The following USO1 variants were observed in gnomAD, a reference collection of about 807,000 sequenced individuals.
The protein encoded by USO1 is general vesicular transport factor p115.
A neutral mutation model predicts 124.5 loss-of-function variants in USO1; 57 were observed. That is an observed-to-expected ratio of 0.46 (90% CI 0.37 to 0.57). The LOEUF is 0.57. Ranked by LOEUF, USO1 falls within the 20% of genes least tolerant of loss-of-function variation. The pLI, the probability that USO1 is intolerant of heterozygous loss-of-function variation, is 0.00. For missense variants in USO1, 900 were observed against 1,040.6 expected, an observed-to-expected ratio of 0.86 and a Z score of 1.86; for synonymous variants, 369 against 362.8, an observed-to-expected ratio of 1.02 and a Z score of -0.19.
In USO1 at chr4:75,734,179, C is replaced by T. The variant is rs1279913592; in HGVS notation, c.66+9294C>T. On this transcript the variant is annotated intron_variant, in intron 1 of 23. Transcript: ENST00000514213. ...CAGGATGGTCTCGATCTCCTGACCT[C>T]GTGATCCTCCCACCTTGACCTCCCA... 1.1e-4 allele frequency among the ~76,000 whole-genome samples: 16 copies of T among 152,154 alleles called. No individual in the cohort carries two copies. In the South Asian group the frequency reaches 3.1e-3, roughly 30 times the overall value.
chr4:75,791,252 G>A (rs533388633), intron 12 of USO1, among the ~76,000 whole-genome samples: 7 of 152,268 alleles, frequency 4.6e-5, no homozygotes, highest in Admixed American at 3.3e-4. Flanking sequence ...TGCCAGGTGC[G>A]GTGGCTCACG....
chr4:75,745,212 TTA>T (rs149059336), intron 1 of USO1: 260 of 294,066 alleles, frequency 8.8e-4, no homozygotes, highest in South Asian at 1.5e-3. Context: ...TCTTTCTTTT[TTA>T]TATATATATA....
chr4:75,744,194 T>C (rs1366502649), intron 1 of USO1, among the ~76,000 whole-genome samples: 1 of 152,202 alleles, frequency 6.6e-6, no homozygotes, highest in Non-Finnish European at 1.5e-5. Context: ...CTGCTTCAGG[T>C]TGCACTGTTC....
intron 3 of USO1, among the ~76,000 whole-genome samples, chr4:75,752,830 A>G (rs1721329411): frequency 6.6e-6 from 1 of 152,050 alleles, no homozygotes; most frequent in Non-Finnish European, 1.5e-5. Flanking sequence ...CTGGCCCTAA[A>G]AGTTGTTGAC....
chr4:75,787,047 C>T lies in USO1; in HGVS notation c.856-15C>T. 1 of 1,561,692 alleles carries T rather than the reference C, an allele frequency of 6.4e-7. No homozygotes were observed. Among genetic ancestry groups the T allele is most frequent in the Non-Finnish European group, 8.6e-7 (1 of 1,160,930 alleles). On this transcript the variant is annotated splice_polypyrimidine_tract_variant and intron_variant, in intron 9 of 23. Transcript: ENST00000514213. ...ATCTTTAAAAGACAAATTTTGTTTT[C>T]TCTTTCTTTCACAGCTTGTTCGTGT...
chr4:75,734,293 A>G (rs1370481237), intron 1 of USO1, among the ~76,000 whole-genome samples: 2 of 152,034 alleles, frequency 1.3e-5, no homozygotes, highest in Non-Finnish European at 2.9e-5. Context: ...TCTTTAATCC[A>G]TCTTGAGTTA....
chr4:75,764,815 G>T (rs1721718569), intron 4 of USO1, among the ~76,000 whole-genome samples: 1 of 152,180 alleles, frequency 6.6e-6, no homozygotes, highest in African/African-American at 2.4e-5. Flanking sequence ...TTGGGAGCTT[G>T]TGTCAACGTT....
intron 7 of USO1, 126 bp downstream of exon 7, chr4:75,771,263 A>G (rs775832807): frequency 3.1e-5 from 35 of 1,122,128 alleles, no homozygotes; most frequent in Non-Finnish European, 3.8e-5. Flanking sequence ...TTTTTTAAAA[A>G]AATTAAAAAT....
intron 4 of USO1, chr4:75,760,724 A>G: frequency 2.6e-6 from 1 of 391,444 alleles, no homozygotes; most frequent in Non-Finnish European, 4.5e-6. Context: ...AATTTGTTTT[A>G]CTATATAAGA....
At chr4:75,728,452 T>A (rs1021571485) in intron 1 of USO1, among the ~76,000 whole-genome samples, 1 of 151,876 alleles carries the variant, frequency 6.6e-6, no homozygotes, top group Non-Finnish European at 1.5e-5. Flanking sequence ...CTTTCTGGAG[T>A]CAAGCACATT....
Position 75,724,630 on chromosome 4 carries a change from C to T in USO1, c.-190C>T. On this transcript the variant is annotated 5_prime_UTR_variant, in exon 1 of 24. Coordinates refer to ENST00000514213, the MANE Select transcript of USO1 (RefSeq NM_003715.4). ...ACGTAATGCCACGTCCCCGCGCATG[C>T]GCATCTTGGCCGCTGCTGGCGGCTG... 1.7e-6 allele frequency: 1 copy of T among 589,340 alleles called. No individual in the cohort carries two copies. Among genetic ancestry groups the T allele is most frequent in the Non-Finnish European group, 3.0e-6 (1 of 332,098 alleles). The allele number at this position is 589,340 out of a possible 1,614,324, so 36.5% of individuals were successfully genotyped here.
At chr4:75,782,885 G>T (rs1480497109) in intron 9 of USO1, 27 bp downstream of exon 9, 4 of 1,534,162 alleles carry the variant, frequency 2.6e-6, no homozygotes, top group Non-Finnish European at 2.6e-6. Context: ...CATAAATGTG[G>T]TAAGAATTTT....
rs1372394007 is a variant in USO1, at chr4:75,793,862, A to C, written c.1413A>C (p.Pro471=). The C allele has an allele frequency of 2.5e-6, 4 of 1,614,022 alleles. No individual in the cohort carries two copies. The highest frequency in any genetic ancestry group is 4.5e-5 in the East Asian group (2 of 44,880). The change falls in exon 13 of 24, where the codon CCA becomes CCC. Residue 471 remains proline (P), a synonymous_variant. Coordinates refer to ENST00000514213, the MANE Select transcript of USO1 (RefSeq NM_003715.4). ...VQLATSIGNP[P]VSLLQQCTNI... Reference sequence around the variant, plus strand: ...TTGCTACAAGTATTGGCAACCCTCCAGTTTCTTTACTTCAACAGTGCACCA... The same window carrying C: ...TTGCTACAAGTATTGGCAACCCTCCCGTTTCTTTACTTCAACAGTGCACCA...
chr4:75,727,568 TTTAGAAG>T (rs1394793303), intron 1 of USO1, among the ~76,000 whole-genome samples: 8 of 152,218 alleles, frequency 5.3e-5, no homozygotes, highest in African/African-American at 1.9e-4. Context: ...GGATTACTAA[TTTAGAAG>T]TATTTATAGA....
At chr4:75,761,959 G>A (rs1721619704) in intron 4 of USO1, among the ~76,000 whole-genome samples, 1 of 152,050 alleles carries the variant, frequency 6.6e-6, no homozygotes, top group Non-Finnish European at 1.5e-5. Context: ...CTATTTCCTT[G>A]CTGGGTAGTA....
chr4:75,777,559 A>G (rs1722105923), intron 8 of USO1, among the ~76,000 whole-genome samples: 1 of 152,234 alleles, frequency 6.6e-6, no homozygotes, highest in Non-Finnish European at 1.5e-5. Context: ...CACCAAAAAG[A>G]TATACAGATG....
At chr4:75,770,302 A>C in intron 4 of USO1, 137 bp from the exon 5 acceptor site, 1 of 644,048 alleles carries the variant, frequency 1.6e-6, no homozygotes, top group Non-Finnish European at 2.4e-6. Context: ...AATAATTGTG[A>C]TATTGCTACC....
chr4:75,757,152 TATATC>T (rs1273200112), intron 3 of USO1, among the ~76,000 whole-genome samples: 1 of 152,096 alleles, frequency 6.6e-6, no homozygotes, highest in Non-Finnish European at 1.5e-5. Context: ...CACTTGCTAT[TATATC>T]AAGAATTTTT....
In USO1 at chr4:75,793,673, G is replaced by C. The variant is rs1460290403; in HGVS notation, c.1241-17G>C. On this transcript the variant is annotated splice_polypyrimidine_tract_variant and intron_variant, in intron 12 of 23. Transcript: ENST00000514213. ...AAAATCTAATATATTTTTATTGTCT[G>C]CCTGCCATCTTTGTAGCAACAGGTA... 6.3e-7 allele frequency: 1 copy of C among 1,587,204 alleles called. No homozygotes were observed. The highest frequency in any genetic ancestry group is 1.3e-5 in the African/African-American group (1 of 74,340).
Sources: gnomAD v4.1 joint callset for allele counts (sites outside exome capture counted in the v4.1 genomes callset) on GRCh38, gnomAD v4.1.1 for gene constraint, MANE v1.5 for transcripts, NCBI Gene and HGNC (gene_info 2026-07-23, HGNC 2026-07-21) for gene names.